The following BMPR1B variants were observed in gnomAD, a reference collection of about 807,000 sequenced individuals.
BMPR1B encodes bone morphogenetic protein receptor type 1B.
A neutral mutation model predicts 59.1 loss-of-function variants in BMPR1B; 12 were observed. The observed-to-expected ratio is 0.20, with a 90% confidence interval of 0.13 to 0.33. The LOEUF is 0.33. Ranked by LOEUF, BMPR1B falls within the 10% of genes least tolerant of loss-of-function variation. BMPR1B has a pLI of 1.00. For synonymous variants in BMPR1B, 237 were observed against 207.3 expected (o/e 1.14, Z -1.23); for missense variants, 550 against 610.9 (o/e 0.90, Z 1.05).
intron 1 of BMPR1B, among the ~76,000 whole-genome samples, chr4:94,770,509 A>G (rs1722147302): frequency 6.6e-6 from 1 of 151,934 alleles, no homozygotes; most frequent in African/African-American, 2.4e-5. Context: ...TTTTCCCCCT[A>G]GTAAATCTCA....
rs1721587007 is a variant in BMPR1B at position 94,757,975 on chromosome 4, G to A, written c.-276G>A. ...CGGCCAGAAGTTGACGGCGCAGCCG[G>A]GCGCGGGGCGCGGAGTCGGCGGGGC... On this transcript the variant is annotated 5_prime_UTR_variant, in exon 1 of 13. Coordinates refer to ENST00000515059, the MANE Select transcript of BMPR1B (RefSeq NM_001203.3). 6.8e-6 allele frequency: 1 copy of A among 146,894 alleles called. No homozygotes were observed. The highest frequency in any genetic ancestry group is 1.5e-5 in the Non-Finnish European group (1 of 66,250). The allele number at this position is 146,894 out of a possible 1,614,324, so 9.1% of individuals were successfully genotyped here. A position where few individuals can be genotyped will look rare whatever the true frequency, so the allele number is the denominator to read the frequency against.
chr4:94,868,882 G>A (rs1259634052), intron 1 of BMPR1B, among the ~76,000 whole-genome samples: 1 of 152,128 alleles, frequency 6.6e-6, no homozygotes, highest in East Asian at 1.9e-4. Context: ...CTTGAATGTT[G>A]TAGCTTAATT....
At chr4:95,016,813 C>A (rs1321312864) in intron 3 of BMPR1B, among the ~76,000 whole-genome samples, 3 of 152,142 alleles carry the variant, frequency 2.0e-5, no homozygotes, top group Non-Finnish European at 4.4e-5. Flanking sequence ...CTTTCCCTGA[C>A]AAGTATACCA....
intron 3 of BMPR1B, among the ~76,000 whole-genome samples, chr4:95,095,657 G>A (rs1730317989): frequency 6.6e-6 from 1 of 152,028 alleles, no homozygotes; most frequent in East Asian, 1.9e-4. Context: ...TAGATTATTA[G>A]TAGACCTTGT....
intron 2 of BMPR1B, among the ~76,000 whole-genome samples, chr4:94,912,777 G>A (rs545089428): frequency 2.6e-4 from 40 of 152,100 alleles, no homozygotes; most frequent in Non-Finnish European, 5.0e-4. Context: ...TGCTCTTAGG[G>A]AGGGCACTTT....
At chr4:95,097,126 TA>T (rs1730480731) in intron 3 of BMPR1B, among the ~76,000 whole-genome samples, 2 of 80,784 alleles carry the variant, frequency 2.5e-5, no homozygotes, top group Admixed American at 1.4e-4. Flanking sequence ...ATTTATATAT[TA>T]ATTTATATAT....
intron 1 of BMPR1B, among the ~76,000 whole-genome samples, chr4:94,781,393 C>G (rs1402100865): frequency 6.6e-6 from 1 of 151,862 alleles, no homozygotes; most frequent in East Asian, 1.9e-4. Context: ...TTAACCATTG[C>G]CTAATCTAAG....
chr4:95,081,894 G>A (rs1164344079), intron 3 of BMPR1B, among the ~76,000 whole-genome samples: 2 of 152,086 alleles, frequency 1.3e-5, no homozygotes, highest in Non-Finnish European at 2.9e-5. Context: ...AGACGTTAAA[G>A]AGTTTTGCAA....
chr4:94,890,794 A>G (rs929185144), intron 2 of BMPR1B, among the ~76,000 whole-genome samples: 2 of 151,912 alleles, frequency 1.3e-5, no homozygotes, highest in South Asian at 4.2e-4. Context: ...TAATCCCATC[A>G]TGAGGGCCCC....
chr4:95,001,316 A>G (rs1458886070), intron 3 of BMPR1B, among the ~76,000 whole-genome samples: 2 of 151,634 alleles, frequency 1.3e-5, no homozygotes, highest in African/African-American at 2.4e-5. Context: ...CTTGTCTTGT[A>G]TTAGACTCCT....
In BMPR1B at chr4:94,974,664, C is replaced by CT. The variant is rs559146186; in HGVS notation, c.-112-21368dup. 3.0e-4 allele frequency among the ~76,000 whole-genome samples: 46 copies of CT among 152,038 alleles called. 1 individual carries two copies. The South Asian group carries it at 3.9e-3, about 13-fold the overall frequency. ...CACTTAATTGTTTTATTTTATAATT[C>CT]TTTTTTTTCGCTAATTAGGTTAGTC... On this transcript the variant is annotated intron_variant, in intron 2 of 12. Transcript: ENST00000515059.
In BMPR1B at chr4:95,025,261, G is replaced by A. The variant is rs1045668086; in HGVS notation, c.-18+29127G>A. Among the ~76,000 whole-genome samples, 6 of 152,288 alleles carry A rather than the reference G, an allele frequency of 3.9e-5. No individual in the cohort carries two copies. In the South Asian group the frequency reaches 6.2e-4, roughly 16 times the overall value. ...AATCAGATCGAGGCCAAACCATGTC[G>A]TTCACAGTAGTGAGTGTGGTTTTGT... On this transcript the variant is annotated intron_variant, in intron 3 of 12. Transcript: ENST00000515059.
chr4:94,928,203 C>T (rs183957189), intron 2 of BMPR1B, among the ~76,000 whole-genome samples: 297 of 150,236 alleles, frequency 2.0e-3, no homozygotes, highest in Non-Finnish European at 3.3e-3. Flanking sequence ...AGCTATGTTG[C>T]CCAGGCTGGA....
At chr4:95,140,920 C>A (rs927828108) in intron 10 of BMPR1B, among the ~76,000 whole-genome samples, 1 of 152,136 alleles carries the variant, frequency 6.6e-6, no homozygotes, top group Non-Finnish European at 1.5e-5. Context: ...AATGACCTCT[C>A]AAATTTCATA....
At chr4:94,799,540 G>A (rs1723324006) in intron 1 of BMPR1B, among the ~76,000 whole-genome samples, 1 of 151,990 alleles carries the variant, frequency 6.6e-6, no homozygotes, top group African/African-American at 2.4e-5. Flanking sequence ...CTGACCTCAT[G>A]ATCTGCCCAT....
chr4:95,071,174 C>T (rs1728250766), intron 3 of BMPR1B, among the ~76,000 whole-genome samples: 1 of 152,066 alleles, frequency 6.6e-6, no homozygotes, highest in Non-Finnish European at 1.5e-5. Flanking sequence ...GCTTTCATAC[C>T]TCTGGTGATT....
Position 94,863,833 on chromosome 4 carries a change from G to A in BMPR1B, c.-182-11998G>A, listed in dbSNP as rs1430357391. The stretch of plus-strand genomic sequence containing the variant: ...CACATTTCAGAGTTGCTCCTGTGGT[G>A]CATTCCCGAAACCGTATCTGAATAA... On this transcript the variant is annotated intron_variant, in intron 1 of 12. Transcript: ENST00000515059. Among the ~76,000 whole-genome samples the A allele has an allele frequency of 2.6e-5, 4 of 152,310 alleles. No individual in the cohort carries two copies. The South Asian group carries it at 6.2e-4, about 24-fold the overall frequency.
chr4:95,116,419 G>GCACACACACACACACA (rs1168592798), intron 6 of BMPR1B, among the ~76,000 whole-genome samples: 64 of 51,134 alleles, frequency 1.3e-3, no homozygotes, highest in African/African-American at 2.4e-3. Flanking sequence ...CTTTCAGCGC[G>GCACACACACACACACA]CGCACACACA....
chr4:95,050,223 C>T (rs146507784), intron 3 of BMPR1B, among the ~76,000 whole-genome samples: 322 of 152,250 alleles, frequency 2.1e-3, no homozygotes, highest in African/African-American at 7.3e-3. Context: ...ATCTCTTTTC[C>T]TAACTAAAAG....
Sources: gnomAD v4.1 joint callset for allele counts (sites outside exome capture counted in the v4.1 genomes callset) on GRCh38, gnomAD v4.1.1 for gene constraint, MANE v1.5 for transcripts, NCBI Gene and HGNC (gene_info 2026-07-23, HGNC 2026-07-21) for gene names.